USP36: variants seen among roughly 807,000 people sequenced by gnomAD.
USP36 encodes ubiquitin carboxyl-terminal hydrolase 36.
In USP36, 59 loss-of-function variants were observed where a neutral mutation model predicts 111.5. That is an observed-to-expected ratio of 0.53 (90% CI 0.43 to 0.66). The LOEUF is 0.66. Among genes scored for constraint, USP36 ranks in the 30% least tolerant of loss-of-function variants. The pLI, the probability that USP36 is intolerant of heterozygous loss-of-function variation, is 0.00. For missense variants in USP36, 1,488 were observed against 1,468.0 expected (o/e 1.01, Z -0.22); for synonymous variants, 628 against 581.0 (o/e 1.08, Z -1.16).
At chr17:78,812,745 G>C (rs1228928942) in intron 13 of USP36, 115 bp downstream of exon 13, 1 of 810,478 alleles carries the variant, frequency 1.2e-6, no homozygotes, top group South Asian at 2.1e-5. Context: ...ACATCAACTA[G>C]AATAGTGCAA....
chr17:78,799,877 CTTTTTTTTTTTTTTTTT>C (rs549964435), intron 17 of USP36, 109 bp from the exon 18 acceptor site: 99 of 155,584 alleles, frequency 6.4e-4, no homozygotes, highest in Non-Finnish European at 9.9e-4. Context: ...GGATGCTTGC[CTTTTTTTTTTTTTTTTT>C]TTTTTTTTTT....
Position 78,798,391 on chromosome 17 carries a change from G to A in USP36, c.*20+9C>T, listed in dbSNP as rs371428551. 14 of 1,612,650 alleles carry A rather than the reference G, an allele frequency of 8.7e-6. No individual in the cohort carries two copies. The highest frequency in any genetic ancestry group is 6.6e-5 in the South Asian group (6 of 91,036). ...ACCTCACCCTTACACCCACCCCCTC[G>A]GAACCGACCTCCTTCCACAGGGGCA... On this transcript the variant is annotated intron_variant, in intron 20 of 20. Transcript: ENST00000449938. The surrounding 1 kb of genome is among the most constrained non-coding windows in gnomAD (Gnocchi z 5.1).
rs114959181 is a variant in USP36 at position 78,813,296 on chromosome 17, G to A, written c.1266-295C>T. 2.0e-3 allele frequency among the ~76,000 whole-genome samples: 305 copies of A among 152,132 alleles called. 1 individual carries two copies. Among genetic ancestry groups the A allele is most frequent in the African/African-American group, 6.9e-3 (287 of 41,504 alleles). ...ACCTCAAACACCTCAGCCACACTCT[G>A]CAGAGACGTACAAAGCAGCAAAAAT... On this transcript the variant is annotated intron_variant, in intron 12 of 20. Coordinates refer to ENST00000449938, the MANE Select transcript of USP36 (RefSeq NM_001385174.1).
downstream of USP36, among the ~76,000 whole-genome samples, chr17:78,792,910 T>G (rs2093595278): frequency 6.6e-6 from 1 of 152,070 alleles, no homozygotes; most frequent in Non-Finnish European, 1.5e-5. Context: ...GAGACAGGGT[T>G]TCACCATGTT....
In USP36 at chr17:78,796,853, GGC is replaced by G. The variant is rs2093637048; in HGVS notation, c.*1045_*1046del. 6.6e-6 allele frequency: 1 copy of G among 152,178 alleles called. No individual in the cohort carries two copies. Among genetic ancestry groups the G allele is most frequent in the Non-Finnish European group, 1.5e-5 (1 of 68,038 alleles). The allele number at this position is 152,178 out of a possible 1,614,324, so 9.4% of individuals were successfully genotyped here. A position where few individuals can be genotyped will look rare whatever the true frequency, so the allele number is the denominator to read the frequency against. Reference sequence around the variant, plus strand: ...CCTTCACACTTCCCACTACTATGAGGGCATTTGTCTTTTTCCTGAAAATATCA... The same window carrying G: ...CCTTCACACTTCCCACTACTATGAGGATTTGTCTTTTTCCTGAAAATATCA... On this transcript the variant is annotated 3_prime_UTR_variant, in exon 21 of 21. Coordinates refer to ENST00000449938, the MANE Select transcript of USP36 (RefSeq NM_001385174.1).
chr17:78,818,550 AG>A, intron 10 of USP36, 116 bp downstream of exon 10: 1 of 847,584 alleles, frequency 1.2e-6, no homozygotes, highest in South Asian at 1.5e-5. Context: ...CCTTTAGAAC[AG>A]GGACAGGTAC....
chr17:78,792,363 G>C (rs1294899164), downstream of USP36, among the ~76,000 whole-genome samples: 1 of 151,530 alleles, frequency 6.6e-6, no homozygotes, highest in Admixed American at 6.6e-5. Context: ...TGGGGTGCCA[G>C]CATACACAGA....
At position 78,807,103 on chromosome 17, in the gene USP36, G is replaced by A. The variant is rs749294584; in HGVS notation, c.1941C>T (p.Thr647=). 22 of 1,614,090 alleles carry A rather than the reference G, an allele frequency of 1.4e-5. 1 individual carries two copies. The highest frequency in any genetic ancestry group is 6.7e-5 in the East Asian group (3 of 44,886). Residue 647 remains threonine, a synonymous_variant, in exon 14 of 21, where the codon ACC becomes ACT. Coordinates refer to ENST00000449938, the MANE Select transcript of USP36 (RefSeq NM_001385174.1). ...TTGGCGGCGTTTTGGAGTGGCCAGC[G>A]GTGGAACAGTTCGTTTCCTGAGAAT... ...LCDSQETNCS[T]AGHSKTPPSG...
chr17:78,805,477 G>A (rs774336659), intron 15 of USP36, among the ~76,000 whole-genome samples: 16 of 152,074 alleles, frequency 1.1e-4, no homozygotes, highest in Non-Finnish European at 1.8e-4. Context: ...ACCCAGCGCC[G>A]AGGCCACCAG....
At chr17:78,800,969 ATTTTT>A (rs746497209) in intron 17 of USP36, among the ~76,000 whole-genome samples, 6 of 97,216 alleles carry the variant, frequency 6.2e-5, no homozygotes, top group Non-Finnish European at 4.0e-5. Flanking sequence ...TTAGGGCAGT[ATTTTT>A]TTTTTTTTTT....
intron 6 of USP36, among the ~76,000 whole-genome samples, chr17:78,825,862 GCCCTCGGGGGTCACTTCT>G (rs1415827966): frequency 6.6e-6 from 1 of 152,174 alleles, no homozygotes; most frequent in Non-Finnish European, 1.5e-5. Flanking sequence ...GCCTTTGCAG[GCCCTCGGGGGTCACTTCT>G]CCCAGGAAGC....
chr17:78,834,138 T>C (rs991288764), intron 4 of USP36, among the ~76,000 whole-genome samples: 1 of 151,808 alleles, frequency 6.6e-6, no homozygotes, highest in Admixed American at 6.6e-5. Context: ...TCCCAGCTAT[T>C]TGGGAGGCTG....
chr17:78,828,913 G>A lies in USP36; in HGVS notation c.570C>T (p.Phe190=), dbSNP rs147398039. ...GATGCTTACTTTTCAGGTCTCGGAT[G>A]AAGGAGACGGGCTTGATGGCGTTGC... ...NSGNAIKPVS[F]IRDLKKIARH... Residue 190 remains phenylalanine, a synonymous_variant, in exon 5 of 21, where the codon TTC becomes TTT. Coordinates refer to ENST00000449938, the MANE Select transcript of USP36 (RefSeq NM_001385174.1). 6.2e-7 allele frequency: 1 copy of A among 1,614,042 alleles called. No individual in the cohort carries two copies. Among genetic ancestry groups the A allele is most frequent in the Non-Finnish European group, 8.5e-7 (1 of 1,180,026 alleles).
At chr17:78,799,217 C>T (rs1014483192) in intron 18 of USP36, among the ~76,000 whole-genome samples, 194 bp from the exon 19 acceptor site, 2 of 152,222 alleles carry the variant, frequency 1.3e-5, no homozygotes, top group Non-Finnish European at 2.9e-5. Flanking sequence ...GAACCCCCAG[C>T]GATGCCCTCT....
At chr17:78,806,715 C>G (rs542806309) in intron 14 of USP36, among the ~76,000 whole-genome samples, 1 of 152,338 alleles carries the variant, frequency 6.6e-6, no homozygotes, top group South Asian at 2.1e-4. Flanking sequence ...CTACCTTGCC[C>G]AAACCTCCAT....
rs1156482731 is a variant in USP36 at position 78,798,194 on chromosome 17, C to T, written c.*20+206G>A. 8 of 622,578 alleles carry T rather than the reference C, an allele frequency of 1.3e-5. No homozygotes were observed. Among genetic ancestry groups the T allele is most frequent in the South Asian group, 4.1e-5 (2 of 49,238 alleles). The allele number at this position is 622,578 out of a possible 1,614,324, so 38.6% of individuals were successfully genotyped here. On this transcript the variant is annotated intron_variant, in intron 20 of 20. Transcript: ENST00000449938. The surrounding 1 kb of genome is among the most constrained non-coding windows in gnomAD (Gnocchi z 5.1). ...CGCATCCCACACACACCCCCTTATACACACGCATCCCACACACACCCTTCT... is the reference window on the plus strand; with the variant it reads ...CGCATCCCACACACACCCCCTTATATACACGCATCCCACACACACCCTTCT...
intron 13 of USP36, among the ~76,000 whole-genome samples, chr17:78,812,297 G>A (rs2094079397): frequency 6.6e-6 from 1 of 152,288 alleles, no homozygotes; most frequent in Non-Finnish European, 1.5e-5. Context: ...CTCATGAGTA[G>A]AACAGATCTG....
Position 78,803,356 on chromosome 17 carries a change from G to A in USP36, c.2810+29C>T, listed in dbSNP as rs951591556. 8 of 1,596,660 alleles carry A rather than the reference G, an allele frequency of 5.0e-6. No individual in the cohort carries two copies. The highest frequency in any genetic ancestry group is 6.8e-6 in the Non-Finnish European group (8 of 1,168,132). On this transcript the variant is annotated intron_variant, in intron 16 of 20. Transcript: ENST00000449938. The surrounding 1 kb of genome is among the most constrained non-coding windows in gnomAD (Gnocchi z 4.6). The stretch of plus-strand genomic sequence containing the variant: ...TTTGCTTTGTTTCTCGTCAGAGGTA[G>A]ACAGATGCCACTTTGCTCCTGCCCT...
intron 4 of USP36, among the ~76,000 whole-genome samples, chr17:78,831,236 A>G (rs1352577415): frequency 3.4e-5 from 5 of 147,266 alleles, no homozygotes; most frequent in African/African-American, 5.0e-5. Flanking sequence ...AAAAAAAAAA[A>G]AAAAAAAAAA....
Sources: gnomAD v4.1 joint callset for allele counts (sites outside exome capture counted in the v4.1 genomes callset) on GRCh38, gnomAD v4.1.1 for gene constraint, Gnocchi (gnomAD v3.1) non-coding constraint, MANE v1.5 for transcripts, NCBI Gene and HGNC (gene_info 2026-07-23, HGNC 2026-07-21) for gene names.